BRMS1L: variants seen among roughly 807,000 people sequenced by gnomAD.
BRMS1L encodes the protein breast cancer metastasis-suppressor 1-like protein.
A neutral mutation model predicts 50.3 loss-of-function variants in BRMS1L; 23 were observed. The observed-to-expected ratio is 0.46, with a 90% CI of 0.33 to 0.65. The LOEUF (loss-of-function observed/expected upper bound fraction) is 0.65. Ranked by LOEUF, BRMS1L falls within the 30% of genes least tolerant of loss-of-function variation. The pLI, the probability that BRMS1L is intolerant of heterozygous loss-of-function variation, is 0.02. For synonymous variants in BRMS1L, 114 were observed against 126.9 expected, an observed-to-expected ratio of 0.90 and a Z score of 0.69; for missense variants, 286 against 386.1, an observed-to-expected ratio of 0.74 and a Z score of 2.17.
chr14:35,869,568 C>G (rs2078461967), intron 9 of BRMS1L, among the ~76,000 whole-genome samples: 1 of 152,010 alleles, frequency 6.6e-6, no homozygotes, highest in African/African-American at 2.4e-5. Context: ...AATAATTAGG[C>G]CGGGTGCAGT....
chr14:35,856,673 G>A (rs556387756), intron 4 of BRMS1L, among the ~76,000 whole-genome samples: 11 of 151,940 alleles, frequency 7.2e-5, no homozygotes, highest in South Asian at 4.2e-4. Context: ...GTGTAGTGGC[G>A]CGATCTTAGC....
chr14:35,843,839 A>G (rs2078097820), intron 4 of BRMS1L, among the ~76,000 whole-genome samples: 1 of 152,194 alleles, frequency 6.6e-6, no homozygotes, highest in African/African-American at 2.4e-5. Context: ...TTTTATCTAT[A>G]AGCCCCTGAC....
chr14:35,844,404 G>A (rs534455464), intron 4 of BRMS1L, among the ~76,000 whole-genome samples: 5 of 152,220 alleles, frequency 3.3e-5, no homozygotes, highest in African/African-American at 7.2e-5. Context: ...CATTCCTCAC[G>A]GCGTGGTCCC....
intron 4 of BRMS1L, among the ~76,000 whole-genome samples, chr14:35,837,089 T>C (rs993484821): frequency 1.3e-5 from 2 of 151,302 alleles, no homozygotes; most frequent in African/African-American, 4.9e-5. Flanking sequence ...ACCCTGTTTC[T>C]ACTAAAAATA....
chr14:35,827,047 G>A (rs2077855981), intron 1 of BRMS1L, among the ~76,000 whole-genome samples: 1 of 152,226 alleles, frequency 6.6e-6, no homozygotes, highest in South Asian at 2.1e-4. Context: ...CAAGTGAGTT[G>A]CCGGGACAGA....
At chr14:35,829,330 C>G (rs1246280454) in intron 1 of BRMS1L, among the ~76,000 whole-genome samples, 1 of 152,160 alleles carries the variant, frequency 6.6e-6, no homozygotes, top group Non-Finnish European at 1.5e-5. Flanking sequence ...TCATAAAATT[C>G]TATTTGTTAA....
intron 4 of BRMS1L, among the ~76,000 whole-genome samples, chr14:35,853,735 G>A (rs928420036): frequency 1.3e-5 from 2 of 152,078 alleles, no homozygotes; most frequent in African/African-American, 4.8e-5. Context: ...CCCATATTTT[G>A]ATATTTAATG....
intron 1 of BRMS1L, among the ~76,000 whole-genome samples, chr14:35,830,941 ATTTT>A (rs762350767): frequency 7.6e-6 from 1 of 131,678 alleles, no homozygotes; most frequent in Non-Finnish European, 1.6e-5. Context: ...TCTATAGTGG[ATTTT>A]TTTTTTTTTT....
At chr14:35,830,174 A>T (rs570075298) in intron 1 of BRMS1L, among the ~76,000 whole-genome samples, 1 of 152,182 alleles carries the variant, frequency 6.6e-6, no homozygotes, top group South Asian at 2.1e-4. Flanking sequence ...GGTTCAAGCG[A>T]TTCTCCTGCC....
chr14:35,870,076 A>G (rs1241622557), intron 9 of BRMS1L, among the ~76,000 whole-genome samples: 1 of 150,004 alleles, frequency 6.7e-6, no homozygotes, highest in Non-Finnish European at 1.5e-5. Flanking sequence ...TTTTTTTTAA[A>G]GAGGTGGGGT....
chr14:35,828,302 A>G (rs2077871513), intron 1 of BRMS1L, among the ~76,000 whole-genome samples: 1 of 150,772 alleles, frequency 6.6e-6, no homozygotes, highest in Non-Finnish European at 1.5e-5. Context: ...CCTCCCGAGT[A>G]GCTGTGATTA....
chr14:35,852,520 G>A (rs565591763), intron 4 of BRMS1L, among the ~76,000 whole-genome samples: 5 of 152,212 alleles, frequency 3.3e-5, no homozygotes, highest in South Asian at 4.1e-4. Context: ...GATGTTTGTC[G>A]TTTTCAATAT....
At position 35,831,511 on chromosome 14, in the gene BRMS1L, A is replaced by T. The variant is rs1567298940; in HGVS notation, c.233+11A>T. 2 of 1,597,836 alleles carry T rather than the reference A, an allele frequency of 1.3e-6. No individual in the cohort carries two copies. The highest frequency in any genetic ancestry group is 1.7e-6 in the Non-Finnish European group (2 of 1,165,594). ...CGATCTCAAAGATCAGTAAGTAGTG[A>T]CTTTAGAAGGCCATTGTCACTGAAT... is the stretch of plus-strand genomic sequence containing the variant. On this transcript the variant is annotated intron_variant, in intron 2 of 9. Coordinates refer to ENST00000216807, the MANE Select transcript of BRMS1L (RefSeq NM_032352.4).
At chr14:35,844,559 G>A (rs1431995314) in intron 4 of BRMS1L, among the ~76,000 whole-genome samples, 18 of 152,208 alleles carry the variant, frequency 1.2e-4, no homozygotes, top group Admixed American at 1.2e-3. Flanking sequence ...GGGTACCCTA[G>A]TTGGAAATGC....
intron 4 of BRMS1L, among the ~76,000 whole-genome samples, chr14:35,836,605 G>A (rs116200859): frequency 1.3e-5 from 2 of 152,192 alleles, no homozygotes; most frequent in African/African-American, 4.8e-5. Flanking sequence ...GCCTCCTGAA[G>A]TGTTGAGATT....
intron 4 of BRMS1L, among the ~76,000 whole-genome samples, chr14:35,857,646 T>C (rs1594342120): frequency 6.6e-6 from 1 of 152,262 alleles, no homozygotes; most frequent in Admixed American, 6.5e-5. Flanking sequence ...AAAGCAGTTT[T>C]AGACATTATC....
chr14:35,868,921 T>C (rs1208091261), intron 9 of BRMS1L, among the ~76,000 whole-genome samples: 1 of 152,338 alleles, frequency 6.6e-6, no homozygotes, highest in East Asian at 1.9e-4. Flanking sequence ...GGTTGTGACC[T>C]TTTGAAAATA....
At chr14:35,828,879 A>T (rs1441446204) in intron 1 of BRMS1L, among the ~76,000 whole-genome samples, 1 of 152,172 alleles carries the variant, frequency 6.6e-6, no homozygotes, top group African/African-American at 2.4e-5. Context: ...CTGCCTTGCC[A>T]TGAAAGTAGG....
At chr14:35,826,839 AT>A in intron 1 of BRMS1L, 181 bp downstream of exon 1, 1 of 862,678 alleles carries the variant, frequency 1.2e-6, no homozygotes. Flanking sequence ...CTGGCTCCTG[AT>A]GGGTCCCGGC....
Sources: allele counts gnomAD v4.1 joint callset (sites outside exome capture counted in the v4.1 genomes callset), GRCh38; gene constraint gnomAD v4.1.1; transcripts MANE v1.5; gene names NCBI Gene and HGNC (gene_info 2026-07-23, HGNC 2026-07-21).